CDK14: variants seen among roughly 807,000 people sequenced by gnomAD.
The protein encoded by CDK14 is cyclin dependent kinase 14, also known as cyclin-dependent kinase 14.
CDK14 carries 34 observed loss-of-function variants against 60.7 expected under a neutral mutation model. That is an observed-to-expected ratio of 0.56 (90% CI 0.43 to 0.75). The LOEUF is 0.75. CDK14 is among the 30% of genes least tolerant of loss of function. The pLI, the probability that CDK14 is intolerant of heterozygous loss-of-function variation, is 0.00. For synonymous variants in CDK14, 197 were observed against 203.7 expected (o/e 0.97, Z 0.28); for missense variants, 482 against 564.1 (o/e 0.85, Z 1.47).
chr7:90,712,258 C>A (rs1170483614), intron 2 of CDK14, among the ~76,000 whole-genome samples: 1 of 151,698 alleles, frequency 6.6e-6, no homozygotes, highest in Non-Finnish European at 1.5e-5. Flanking sequence ...TTTCATCAAC[C>A]CAAACAGAAA....
intron 1 of CDK14, among the ~76,000 whole-genome samples, chr7:90,599,767 C>G (rs1563011439): frequency 6.6e-6 from 1 of 152,152 alleles, no homozygotes; most frequent in Non-Finnish European, 1.5e-5. Flanking sequence ...TATTTTGCTG[C>G]TTTAGTATTA....
At chr7:91,058,614 A>G (rs1562886540) in intron 11 of CDK14, among the ~76,000 whole-genome samples, 1 of 152,164 alleles carries the variant, frequency 6.6e-6, no homozygotes, top group African/African-American at 2.4e-5. Context: ...TTTAGCATGA[A>G]GGTTGTTGAA....
chr7:90,834,673 G>A (rs1790032902), intron 5 of CDK14, among the ~76,000 whole-genome samples: 1 of 152,200 alleles, frequency 6.6e-6, no homozygotes, highest in Non-Finnish European at 1.5e-5. Context: ...TGATGGTACT[G>A]CTAATGGGAC....
At chr7:90,750,166 A>G in intron 4 of CDK14, among the ~76,000 whole-genome samples, 1 of 80,858 alleles carries the variant, frequency 1.2e-5, no homozygotes, top group African/African-American at 3.9e-5. Flanking sequence ...ACACACACAC[A>G]CACACACACA....
At chr7:90,695,296 C>T (rs1801632007) in intron 2 of CDK14, among the ~76,000 whole-genome samples, 1 of 152,138 alleles carries the variant, frequency 6.6e-6, no homozygotes, top group Non-Finnish European at 1.5e-5. Context: ...ATTATGAGGT[C>T]CTAAAAATAT....
At chr7:91,158,045 A>AT (rs564541828) in intron 14 of CDK14, among the ~76,000 whole-genome samples, 2 of 148,244 alleles carry the variant, frequency 1.3e-5, no homozygotes, top group African/African-American at 4.9e-5. Context: ...TTTGCCAAAC[A>AT]TTTTTTATAT....
At chr7:90,837,868 G>T (rs1218504483) in intron 5 of CDK14, among the ~76,000 whole-genome samples, 1 of 152,142 alleles carries the variant, frequency 6.6e-6, no homozygotes, top group African/African-American at 2.4e-5. Flanking sequence ...AGTGTTAGAA[G>T]ACATATTAAA....
intron 11 of CDK14, among the ~76,000 whole-genome samples, chr7:91,048,644 C>T (rs958942324): frequency 6.6e-6 from 1 of 152,204 alleles, no homozygotes; most frequent in Non-Finnish European, 1.5e-5. Context: ...GAGAATACTT[C>T]TTCCCACAGC....
intron 4 of CDK14, among the ~76,000 whole-genome samples, chr7:90,764,833 C>T (rs754530849): frequency 6.6e-6 from 1 of 152,196 alleles, no homozygotes; most frequent in South Asian, 2.1e-4. Flanking sequence ...TTTTAACTAT[C>T]TCTGTTTTCA....
intron 2 of CDK14, among the ~76,000 whole-genome samples, chr7:90,689,421 C>T (rs1223471996): frequency 1.3e-5 from 2 of 151,962 alleles, no homozygotes; most frequent in Non-Finnish European, 2.9e-5. Context: ...GGTAGGGAAC[C>T]TCTTAAGATT....
At chr7:91,194,055 C>G (rs1012200932) in intron 14 of CDK14, among the ~76,000 whole-genome samples, 11 of 152,172 alleles carry the variant, frequency 7.2e-5, no homozygotes, top group African/African-American at 2.4e-4. Flanking sequence ...CATACCACAT[C>G]CCAGAGAGCT....
intron 5 of CDK14, among the ~76,000 whole-genome samples, chr7:90,847,529 T>G (rs1188252011): frequency 6.6e-6 from 1 of 152,140 alleles, no homozygotes; most frequent in African/African-American, 2.4e-5. Flanking sequence ...TCCACATGGG[T>G]AATTTCTTTT....
At chr7:90,989,860 G>T (rs771412368) in intron 10 of CDK14, among the ~76,000 whole-genome samples, 7 of 152,050 alleles carry the variant, frequency 4.6e-5, no homozygotes, top group Non-Finnish European at 1.0e-4. Context: ...TTAAATGCTT[G>T]ATGTTACTGT....
intron 14 of CDK14, among the ~76,000 whole-genome samples, chr7:91,134,141 C>T (rs1800198711): frequency 6.6e-6 from 1 of 152,042 alleles, no homozygotes; most frequent in African/African-American, 2.4e-5. Context: ...GGCATTGAGT[C>T]TTTTTAATGA....
chr7:91,031,134 G>C (rs1796748270), intron 10 of CDK14, among the ~76,000 whole-genome samples: 1 of 152,182 alleles, frequency 6.6e-6, no homozygotes, highest in South Asian at 2.1e-4. Context: ...AATATATTGT[G>C]AGTCTCAAAC....
At chr7:90,766,546 C>T (rs1425539487) in intron 4 of CDK14, among the ~76,000 whole-genome samples, 1 of 152,148 alleles carries the variant, frequency 6.6e-6, no homozygotes, top group African/African-American at 2.4e-5. Flanking sequence ...AGTTCCAGGG[C>T]CAGAATTCAG....
chr7:90,696,905 A>G (rs2116602673), intron 2 of CDK14, among the ~76,000 whole-genome samples: 2 of 152,292 alleles, frequency 1.3e-5, no homozygotes, highest in Non-Finnish European at 1.5e-5. Flanking sequence ...TTGGAGTCAA[A>G]GTGAAGAAAG....
chr7:90,948,934 A>G (rs949947567), intron 8 of CDK14, among the ~76,000 whole-genome samples: 6 of 152,224 alleles, frequency 3.9e-5, no homozygotes, highest in Non-Finnish European at 8.8e-5. Flanking sequence ...GTTTATCATT[A>G]TAGTATTTAG....
intron 11 of CDK14, among the ~76,000 whole-genome samples, chr7:91,068,549 A>G (rs1176195789): frequency 6.6e-6 from 1 of 152,086 alleles, no homozygotes; most frequent in African/African-American, 2.4e-5. Flanking sequence ...GAAATTGGAG[A>G]TCAGTCAGTG....
Sources: gnomAD v4.1 joint callset for allele counts (sites outside exome capture counted in the v4.1 genomes callset) on GRCh38, gnomAD v4.1.1 for gene constraint, MANE v1.5 for transcripts, NCBI Gene and HGNC (gene_info 2026-07-23, HGNC 2026-07-21) for gene names.